DNTTIP2: variants seen among roughly 807,000 people sequenced by gnomAD.
DNTTIP2 encodes deoxynucleotidyltransferase terminal-interacting protein 2.
In DNTTIP2, 47 loss-of-function variants were observed where a neutral mutation model predicts 62.4. That is an observed-to-expected ratio of 0.75 (90% CI 0.60 to 0.96). The LOEUF (loss-of-function observed/expected upper bound fraction) is 0.96. Among genes scored for constraint, DNTTIP2 ranks in the 40% least tolerant of loss-of-function variants. The pLI is 0.00. For synonymous variants in DNTTIP2, 322 were observed against 300.9 expected, an observed-to-expected ratio of 1.07 and a Z score of -0.73; for missense variants, 870 against 849.1, an observed-to-expected ratio of 1.02 and a Z score of -0.31.
rs1419387906 is a variant in DNTTIP2, at chr1:93,875,724, A to G, written c.1727T>C (p.Leu576Ser). 2.5e-6 allele frequency: 4 copies of G among 1,613,304 alleles called. No homozygotes were observed. Among genetic ancestry groups the G allele is most frequent in the Non-Finnish European group, 3.4e-6 (4 of 1,179,750 alleles). ...PGLSIKQLGG[L>S]YINFNADKLQ... Reference sequence around the variant, plus strand: ...TTTATCTGCATTAAAATTAATATACAAACCACCCAACTGCTTGATACTCAG... The same window carrying G: ...TTTATCTGCATTAAAATTAATATACGAACCACCCAACTGCTTGATACTCAG... Residue 576 changes from leucine to serine, a missense_variant, in exon 3 of 7, where the codon TTG becomes TCG. Physicochemically the swap from Leu to Ser is moderately radical, Grantham distance 145. Transcript: ENST00000436063.
rs760099233 is a variant in DNTTIP2, at chr1:93,876,480, G to A, written c.1455C>T (p.Asp485=). The A allele has an allele frequency of 3.1e-6, 5 of 1,613,766 alleles. No homozygotes were observed. The highest frequency in any genetic ancestry group is 2.2e-5 in the South Asian group (2 of 91,076). ...LSGDTGSLSC[D]NALFVIDTTP... ...TTGTGTCAATTACAAACAATGCATT[G>A]TCACATGACAGACTTCCTGTGTCTC... Residue 485 remains aspartate (D), a synonymous_variant, in exon 2 of 7, where the codon GAC becomes GAT. Transcript: ENST00000436063.
chr1:93,878,936 G>A (rs563802777), intron 1 of DNTTIP2, 141 bp downstream of exon 1: 12 of 1,068,774 alleles, frequency 1.1e-5, no homozygotes, highest in East Asian at 2.6e-5. Flanking sequence ...TTAGCACGGG[G>A]CCTGGGAGAC....
At position 93,869,110 on chromosome 1, in the gene DNTTIP2, C is replaced by A. The variant is rs1334440984; in HGVS notation, c.*741G>T. 6.6e-6 allele frequency: 1 copy of A among 152,030 alleles called. No individual in the cohort carries two copies. Among genetic ancestry groups the A allele is most frequent in the South Asian group, 2.1e-4 (1 of 4,808 alleles). 9.4% of individuals were successfully genotyped at this position (152,030 alleles called of 1,614,324 possible). ...CTCACCAAGTATCAACAGAAATGACCAACACTCCTTGGGTGCCAGAAACCA... is the reference window on the plus strand; with the variant it reads ...CTCACCAAGTATCAACAGAAATGACAAACACTCCTTGGGTGCCAGAAACCA... On this transcript the variant is annotated 3_prime_UTR_variant, in exon 7 of 7. Coordinates refer to ENST00000436063, the MANE Select transcript of DNTTIP2 (RefSeq NM_014597.5).
chr1:93,874,754 A>G (rs1303767393), intron 3 of DNTTIP2, among the ~76,000 whole-genome samples: 5 of 152,172 alleles, frequency 3.3e-5, no homozygotes, highest in Non-Finnish European at 7.4e-5. Flanking sequence ...TCAGCCTCCC[A>G]AAGTGCTGGG....
intron 3 of DNTTIP2, among the ~76,000 whole-genome samples, chr1:93,873,599 T>TC (rs1655924474): frequency 8.0e-6 from 1 of 124,780 alleles, no homozygotes; most frequent in Admixed American, 8.7e-5. Context: ...AGACCCTGTC[T>TC]CCCCCCAAAC....
chr1:93,871,933 G>A (rs570466421), intron 5 of DNTTIP2, 139 bp downstream of exon 5: 298 of 906,974 alleles, frequency 3.3e-4, no homozygotes, highest in Non-Finnish European at 4.7e-4. Context: ...ATTCTTATAT[G>A]GCCTATGCAG....
In DNTTIP2 at chr1:93,870,778, A is replaced by G. The variant is rs1655836506; in HGVS notation, c.2082T>C (p.Val694=). ...AATGGTAGAAATCAGCTGGATTGTC[A>G]ACAATGGTTCCAATCTGTGAACAAT... ...FPKYFQIGTI[V]DNPADFYHSR... is the part of the protein sequence containing the mutation. Residue 694 remains valine, a synonymous_variant, in exon 6 of 7, where the codon GTT becomes GTC. Coordinates refer to ENST00000436063, the MANE Select transcript of DNTTIP2 (RefSeq NM_014597.5). 1.3e-6 allele frequency: 2 copies of G among 1,555,658 alleles called. No homozygotes were observed. Among genetic ancestry groups the G allele is most frequent in the Admixed American group, 1.9e-5 (1 of 52,952 alleles).
chr1:93,877,711 A>G lies in DNTTIP2; in HGVS notation c.224T>C (p.Leu75Pro), dbSNP rs1388199789. 6.2e-7 allele frequency: 1 copy of G among 1,613,932 alleles called. No homozygotes were observed. The highest frequency in any genetic ancestry group is 8.5e-7 in the Non-Finnish European group (1 of 1,179,872). Residue 75 changes from leucine to proline, a missense_variant, in exon 2 of 7, where the codon CTA becomes CCA. Leu to Pro is a moderately conservative substitution (Grantham distance 98, BLOSUM62 -3). Transcript: ENST00000436063. ...CGTAGATGGTTCAGTCCCCTTTGGT[A>G]GTGAGCCTGTAGTTCTGCTCTTCCT... ...RKRKSRTTGSLPKGTEPSTDG... is the reference protein window; with the variant it reads ...RKRKSRTTGSPPKGTEPSTDG...
In DNTTIP2 at chr1:93,869,589, A is replaced by G. The variant is rs1266708931; in HGVS notation, c.*262T>C. On this transcript the variant is annotated 3_prime_UTR_variant, in exon 7 of 7. Transcript: ENST00000436063. Reference sequence around the variant, plus strand: ...AATAACTAAGCATTGAAAACTTTACAAACCATCAGTTATCTTAAAATGGTT... The same window carrying G: ...AATAACTAAGCATTGAAAACTTTACGAACCATCAGTTATCTTAAAATGGTT... The G allele has an allele frequency of 8.9e-6, 3 of 336,204 alleles. No individual in the cohort carries two copies. The East Asian group carries it at 1.5e-4, about 17-fold the overall frequency. The allele number at this position is 336,204 out of a possible 1,614,324, so 20.8% of individuals were successfully genotyped here. A position where few individuals can be genotyped will look rare whatever the true frequency, so the allele number is the denominator to read the frequency against.
In DNTTIP2 at chr1:93,876,512, A is replaced by T; in HGVS notation, c.1423T>A (p.Leu475Ile). Residue 475 changes from leucine to isoleucine, a missense_variant, in exon 2 of 7, where the codon TTA (leucine) becomes ATA (isoleucine). Coordinates refer to ENST00000436063, the MANE Select transcript of DNTTIP2 (RefSeq NM_014597.5). Reference sequence around the variant, plus strand: ...GACAGACTTCCTGTGTCTCCACTTAATGACTCCCTTTGGCCACTATTTTCA... The same window carrying T: ...GACAGACTTCCTGTGTCTCCACTTATTGACTCCCTTTGGCCACTATTTTCA... ...FVENSGQRES[L>I]SGDTGSLSCD... 1 of 1,613,976 alleles carries T rather than the reference A, an allele frequency of 6.2e-7. No individual in the cohort carries two copies. Among genetic ancestry groups the T allele is most frequent in the Non-Finnish European group, 8.5e-7 (1 of 1,179,886 alleles).
chr1:93,874,969 G>A (rs764311814), intron 3 of DNTTIP2, among the ~76,000 whole-genome samples: 1 of 152,172 alleles, frequency 6.6e-6, no homozygotes, highest in East Asian at 1.9e-4. Context: ...TCCCCTAGAG[G>A]CTTGGTGACT....
At chr1:93,870,604 A>T in intron 6 of DNTTIP2, 79 bp downstream of exon 6, 1 of 714,348 alleles carries the variant, frequency 1.4e-6, no homozygotes, top group Non-Finnish European at 2.1e-6. Flanking sequence ...AGTTATTTTT[A>T]AATTATTTGA....
chr1:93,875,555 C>G (rs1655978053), intron 3 of DNTTIP2, 90 bp downstream of exon 3: 2 of 1,378,552 alleles, frequency 1.5e-6, no homozygotes, highest in African/African-American at 2.9e-5. Context: ...AATGTGGTTT[C>G]ACTGTAGGAA....
In DNTTIP2 at chr1:93,877,640, G is replaced by A; in HGVS notation, c.295C>T (p.His99Tyr). The A allele has an allele frequency of 6.2e-7, 1 of 1,613,978 alleles. No homozygotes were observed. The highest frequency in any genetic ancestry group is 2.2e-5 in the East Asian group (1 of 44,884). The change falls in exon 2 of 7, where the codon CAC becomes TAC. Residue 99 changes from histidine to tyrosine, a missense_variant. By Grantham distance (83) the His-to-Tyr change is moderately conservative. Coordinates refer to ENST00000436063, the MANE Select transcript of DNTTIP2 (RefSeq NM_014597.5). ...GTTACCCTTAAAATGGTATCATGGT[G>A]CTCAGACACAGAATAATTTGACTCT... ...EAESNYSVSE[H>Y]HDTILRVTRR...
rs1240652421 is a variant in DNTTIP2, at chr1:93,876,348, TTCAC to T, written c.1583_1586del (p.Ser528LysfsTer21). 2 of 1,557,254 alleles carry T rather than the reference TTCAC, an allele frequency of 1.3e-6. No individual in the cohort carries two copies. Among genetic ancestry groups the T allele is most frequent in the Non-Finnish European group, 8.7e-7 (1 of 1,149,536 alleles). Reference sequence around the variant, plus strand: ...TTTCGTCATGGTCTGATGAATCTTCTTCACTTTTTTCATCCTCTTCCTCTTCTTT... The same window carrying T: ...TTTCGTCATGGTCTGATGAATCTTCTTTTTTTCATCCTCTTCCTCTTCTTT... On this transcript the variant is annotated frameshift_variant, in exon 2 of 7. Transcript: ENST00000436063. LOFTEE classifies it high-confidence loss of function.
At chr1:93,873,291 G>A (rs1195754377) in intron 3 of DNTTIP2, 77 bp from the exon 4 acceptor site, 18 of 1,214,306 alleles carry the variant, frequency 1.5e-5, no homozygotes, top group Non-Finnish European at 2.0e-5. Flanking sequence ...ACTTCTGTAA[G>A]TTTTAAAATT....
In DNTTIP2 at chr1:93,875,257, T is replaced by TA. The variant is rs1655971087; in HGVS notation, c.1806+387dup. ...CAGTAATTCCTTCTGAAATTATATG[T>TA]AAAATGTCTATATGCACATGTGCAT... On this transcript the variant is annotated intron_variant, in intron 3 of 6. Coordinates refer to ENST00000436063, the MANE Select transcript of DNTTIP2 (RefSeq NM_014597.5). 2.0e-5 allele frequency among the ~76,000 whole-genome samples: 3 copies of TA among 152,338 alleles called. 1 individual carries two copies. In the South Asian group the frequency reaches 6.2e-4, roughly 32 times the overall value.
Position 93,875,739 on chromosome 1 carries a change from T to C in DNTTIP2, c.1712A>G (p.Lys571Arg), listed in dbSNP as rs771344446. ...SSSIDPGLSI[K>R]QLGGLYINFN... ...ATTAATATACAAACCACCCAACTGC[T>C]TGATACTCAGACCAGGGTCTATGCT... Residue 571 changes from lysine to arginine, a missense_variant, in exon 3 of 7, where the codon AAG becomes AGG. By Grantham distance (26) the Lys-to-Arg change is conservative. Transcript: ENST00000436063. The C allele has an allele frequency of 2.5e-6, 4 of 1,613,284 alleles. No individual in the cohort carries two copies. In the South Asian group the frequency reaches 4.4e-5, roughly 18 times the overall value.
At position 93,877,826 on chromosome 1, in the gene DNTTIP2, T is replaced by C. The variant is rs1386603055; in HGVS notation, c.109A>G (p.Ser37Gly). 2 of 1,603,772 alleles carry C rather than the reference T, an allele frequency of 1.2e-6. No individual in the cohort carries two copies. The highest frequency in any genetic ancestry group is 2.2e-5 in the East Asian group (1 of 44,878). ...AANGIQAHPESSTGSDARTTA... is the reference protein window; with the variant it reads ...AANGIQAHPEGSTGSDARTTA... ...GTTCGGGCATCAGATCCAGTACTAC[T>C]TTCTGGATGCGCTTGAATCCCATTA... The change falls in exon 2 of 7, where the codon AGT becomes GGT. Residue 37 changes from serine (S) to glycine (G), a missense_variant. Transcript: ENST00000436063.
Sources: gnomAD v4.1 joint callset for allele counts (sites outside exome capture counted in the v4.1 genomes callset) on GRCh38, gnomAD v4.1.1 for gene constraint, MANE v1.5 for transcripts, NCBI Gene and HGNC (gene_info 2026-07-23, HGNC 2026-07-21) for gene names.